CPED1: variants seen among roughly 807,000 people sequenced by gnomAD.
CPED1 encodes cadherin like and PC-esterase domain containing 1, also known as cadherin-like and PC-esterase domain-containing protein 1.
In CPED1, 114 loss-of-function variants were observed where a neutral mutation model predicts 128.2. The observed-to-expected ratio is 0.89, with a 90% CI of 0.76 to 1.04. The LOEUF (loss-of-function observed/expected upper bound fraction) is 1.04. CPED1 is among the 50% of genes least tolerant of loss of function. CPED1 has a pLI of 0.00. For synonymous variants in CPED1, 462 were observed against 426.7 expected, an observed-to-expected ratio of 1.08 and a Z score of -1.02; for missense variants, 1,211 against 1,207.1, an observed-to-expected ratio of 1.00 and a Z score of -0.05.
At chr7:121,059,070 G>A (rs1793583363) in intron 4 of CPED1, among the ~76,000 whole-genome samples, 1 of 152,212 alleles carries the variant, frequency 6.6e-6, no homozygotes, top group Non-Finnish European at 1.5e-5. Flanking sequence ...TGATAAAAGT[G>A]AAGCGAGGTC....
intron 16 of CPED1, among the ~76,000 whole-genome samples, chr7:121,231,112 T>A (rs1277711013): frequency 6.6e-6 from 1 of 152,036 alleles, no homozygotes; most frequent in African/African-American, 2.4e-5. Flanking sequence ...AGGGCATGAC[T>A]ATAGAAAAGG....
intron 22 of CPED1, among the ~76,000 whole-genome samples, chr7:121,280,352 C>T (rs798901): frequency 0.63 from 96,152 of 152,030 alleles, 32,713 homozygotes; most frequent in African/African-American, 0.91. Context: ...TAATATTAAA[C>T]TGGTAAACTT....
chr7:121,132,097 C>G (rs1795684524), intron 12 of CPED1, among the ~76,000 whole-genome samples: 1 of 151,752 alleles, frequency 6.6e-6, no homozygotes, highest in Non-Finnish European at 1.5e-5. Context: ...GAAAAAAATG[C>G]CCAAATCTAA....
At chr7:121,064,637 A>T (rs1023383323) in intron 5 of CPED1, among the ~76,000 whole-genome samples, 2 of 152,196 alleles carry the variant, frequency 1.3e-5, no homozygotes, top group South Asian at 2.1e-4. Context: ...GTTATGTAAC[A>T]CTTGGGGGTT....
intron 18 of CPED1, chr7:121,261,561 C>G: frequency 6.4e-7 from 1 of 1,562,738 alleles, no homozygotes; most frequent in Non-Finnish European, 8.7e-7. Context: ...GGAATATGAT[C>G]AGGAATGATG....
At position 121,297,171 on chromosome 7, in the gene CPED1, TAATA is replaced by T. The variant is rs1792838852; in HGVS notation, c.*1520_*1523del. On this transcript the variant is annotated 3_prime_UTR_variant, in exon 23 of 23. Coordinates refer to ENST00000310396, the MANE Select transcript of CPED1 (RefSeq NM_024913.5). Reference sequence around the variant, plus strand: ...ATTAACTTTAAAAATAAAACTTTTCTAATATACACTTAAATGCAAACATCATTTT... The same window carrying T: ...ATTAACTTTAAAAATAAAACTTTTCTTACACTTAAATGCAAACATCATTTT... 1 of 152,096 alleles carries T rather than the reference TAATA, an allele frequency of 6.6e-6. No individual in the cohort carries two copies. Among genetic ancestry groups the T allele is most frequent in the African/African-American group, 2.4e-5 (1 of 41,450 alleles). The allele number at this position is 152,096 out of a possible 1,614,324, so 9.4% of individuals were successfully genotyped here.
rs1187847967 is a variant in CPED1, at chr7:121,137,440, T to A, written c.1699+1350T>A. Among the ~76,000 whole-genome samples, 6 of 152,162 alleles carry A rather than the reference T, an allele frequency of 3.9e-5. No individual in the cohort carries two copies. The East Asian group carries it at 1.2e-3, about 30-fold the overall frequency. ...CTCCCGCCTCAGCCTCTCAAAGTAC[T>A]GGGATTACAGAAATGAGCCACCGTG... On this transcript the variant is annotated intron_variant, in intron 14 of 22. Transcript: ENST00000310396.
At chr7:121,226,701 TTAA>T (rs1463075867) in intron 16 of CPED1, among the ~76,000 whole-genome samples, 2 of 152,132 alleles carry the variant, frequency 1.3e-5, no homozygotes, top group Non-Finnish European at 2.9e-5. Flanking sequence ...TCTCTTAATA[TTAA>T]TTTACATAAA....
At chr7:121,188,538 A>C (rs1278433283) in intron 16 of CPED1, among the ~76,000 whole-genome samples, 1 of 152,190 alleles carries the variant, frequency 6.6e-6, no homozygotes, top group African/African-American at 2.4e-5. Flanking sequence ...ATTAAAAATA[A>C]ATACATTTGT....
intron 22 of CPED1, among the ~76,000 whole-genome samples, chr7:121,286,314 C>T (rs1321887555): frequency 6.6e-6 from 1 of 152,188 alleles, no homozygotes; most frequent in Non-Finnish European, 1.5e-5. Context: ...CAAATCATAT[C>T]ACTCCTCTTT....
intron 22 of CPED1, 35 bp downstream of exon 22, chr7:121,271,465 T>A: frequency 5.7e-6 from 9 of 1,588,170 alleles, no homozygotes; most frequent in Non-Finnish European, 7.7e-6. Context: ...TTATAGCTTT[T>A]GATCTTTTAA....
At chr7:121,075,556 A>G (rs1353621937) in intron 5 of CPED1, among the ~76,000 whole-genome samples, 1 of 151,962 alleles carries the variant, frequency 6.6e-6, no homozygotes, top group East Asian at 1.9e-4. Context: ...TTCTCCTCCC[A>G]GGTTCAAGTA....
intron 22 of CPED1, among the ~76,000 whole-genome samples, chr7:121,275,956 TA>T (rs889922943): frequency 3.4e-4 from 51 of 148,166 alleles, no homozygotes; most frequent in Admixed American, 2.7e-3. Context: ...AAAACTGAAA[TA>T]ATGACTTTTA....
intron 16 of CPED1, among the ~76,000 whole-genome samples, chr7:121,159,756 G>GCA (rs1796372609): frequency 6.6e-6 from 1 of 151,966 alleles, no homozygotes; most frequent in Admixed American, 6.6e-5. Context: ...TCCCTCACTC[G>GCA]CACACATACA....
At chr7:121,147,930 T>C (rs1796063802) in intron 16 of CPED1, among the ~76,000 whole-genome samples, 1 of 152,156 alleles carries the variant, frequency 6.6e-6, no homozygotes, top group Admixed American at 6.6e-5. Context: ...AGTTATGATA[T>C]TTTGAAATGG....
intron 4 of CPED1, chr7:121,050,915 A>G (rs1286660746): frequency 1.0e-5 from 5 of 486,548 alleles, no homozygotes; most frequent in Non-Finnish European, 2.1e-5. Context: ...CAGGATGCCC[A>G]AGAAGAAGGT....
chr7:121,260,614 A>G (rs1791993740), intron 18 of CPED1, among the ~76,000 whole-genome samples: 1 of 150,410 alleles, frequency 6.6e-6, no homozygotes, highest in Non-Finnish European at 1.5e-5. Context: ...CCTAGATGTA[A>G]CAAATAAGAC....
intron 14 of CPED1, among the ~76,000 whole-genome samples, chr7:121,137,967 T>C (rs1355400314): frequency 6.6e-6 from 1 of 152,090 alleles, no homozygotes; most frequent in Non-Finnish European, 1.5e-5. Context: ...TACTTTTTTT[T>C]CCAGTTCCCA....
At chr7:121,113,110 C>A (rs1216599334) in intron 7 of CPED1, among the ~76,000 whole-genome samples, 1 of 152,176 alleles carries the variant, frequency 6.6e-6, no homozygotes, top group Non-Finnish European at 1.5e-5. Flanking sequence ...TAATCTATAT[C>A]TTCTTGCATA....
Sources: allele counts gnomAD v4.1 joint callset (sites outside exome capture counted in the v4.1 genomes callset), GRCh38; gene constraint gnomAD v4.1.1; transcripts MANE v1.5; gene names NCBI Gene and HGNC (gene_info 2026-07-23, HGNC 2026-07-21).